Variants in DOCK4 observed in about 807,000 individuals in gnomAD.
The protein encoded by DOCK4 is dedicator of cytokinesis protein 4.
DOCK4 carries 97 observed loss-of-function variants against 268.1 expected under a neutral mutation model. That is an observed-to-expected ratio of 0.36 (90% CI 0.31 to 0.43). The LOEUF (loss-of-function observed/expected upper bound fraction) is 0.43. Ranked by LOEUF, DOCK4 falls within the 20% of genes least tolerant of loss-of-function variation. The pLI is 1.00. For synonymous variants in DOCK4, 954 were observed against 887.2 expected (o/e 1.08, Z -1.34); for missense variants, 2,145 against 2,455.7 (o/e 0.87, Z 2.67).
intron 1 of DOCK4, among the ~76,000 whole-genome samples, chr7:112,007,657 G>A (rs772781386): frequency 7.2e-5 from 11 of 152,114 alleles, no homozygotes; most frequent in South Asian, 6.2e-4. Flanking sequence ...GGTAAAGAGC[G>A]AAGAATTTGA....
chr7:111,791,093 TATATATAA>T (rs926180692), intron 30 of DOCK4, among the ~76,000 whole-genome samples: 3 of 140,390 alleles, frequency 2.1e-5, no homozygotes, highest in African/African-American at 8.1e-5. Flanking sequence ...TATATATATA[TATATATAA>T]AATAAATCAT....
At chr7:111,947,528 G>T (rs1328007705) in intron 8 of DOCK4, among the ~76,000 whole-genome samples, 1 of 152,074 alleles carries the variant, frequency 6.6e-6, no homozygotes, top group Non-Finnish European at 1.5e-5. Context: ...AAAAATTGCT[G>T]TAAGTATCCT....
rs143152855 is a variant in DOCK4, at chr7:111,867,485, G to C, written c.2280+499C>G. Among the ~76,000 whole-genome samples the C allele has an allele frequency of 2.6e-5, 4 of 152,284 alleles. No homozygotes were observed. The East Asian group carries it at 7.7e-4, about 29-fold the overall frequency. ...ACATGTGGGGCTACTTCCGGTAATG[G>C]AGTTTGGCGGCAGCAGCAGCTCTGC... On this transcript the variant is annotated intron_variant, in intron 22 of 52. Coordinates refer to ENST00000428084, the MANE Select transcript of DOCK4 (RefSeq NM_001363540.2).
intron 16 of DOCK4, among the ~76,000 whole-genome samples, 155 bp downstream of exon 16, chr7:111,895,457 A>G (rs1808665030): frequency 6.6e-6 from 1 of 152,238 alleles, no homozygotes; most frequent in Non-Finnish European, 1.5e-5. Flanking sequence ...AACCCAATAT[A>G]GAAACAATAC....
chr7:111,788,021 A>T (rs1186543423), intron 32 of DOCK4, among the ~76,000 whole-genome samples: 6 of 152,204 alleles, frequency 3.9e-5, no homozygotes, highest in Non-Finnish European at 8.8e-5. Flanking sequence ...TGGTACAAGC[A>T]ATTCATCCTG....
intron 25 of DOCK4, among the ~76,000 whole-genome samples, chr7:111,838,390 C>T (rs1006185702): frequency 2.6e-5 from 4 of 151,940 alleles, no homozygotes; most frequent in South Asian, 2.1e-4. Context: ...AATAGCCAAA[C>T]CCAGGAACAA....
intron 30 of DOCK4, among the ~76,000 whole-genome samples, chr7:111,797,939 A>T (rs975552799): frequency 1.3e-5 from 2 of 152,182 alleles, no homozygotes; most frequent in Non-Finnish European, 2.9e-5. Context: ...ATAGGACCAA[A>T]TAGCACCTTA....
At chr7:112,008,058 T>TTTTCTTATAAATTGAACAG (rs1235324769) in intron 1 of DOCK4, among the ~76,000 whole-genome samples, 4 of 152,202 alleles carry the variant, frequency 2.6e-5, no homozygotes, top group Admixed American at 6.5e-5. Context: ...CTTTTCTTGT[T>TTTTCTTATAAATTGAACAG]TTTCTTATAA....
chr7:111,869,455 A>G, intron 21 of DOCK4, 119 bp downstream of exon 21: 1 of 878,372 alleles, frequency 1.1e-6, no homozygotes, highest in Non-Finnish European at 1.8e-6. Flanking sequence ...AGATCCTTGA[A>G]TTGGAATGTC....
intron 19 of DOCK4, 87 bp from the exon 20 acceptor site, chr7:111,872,177 C>A: frequency 7.4e-7 from 1 of 1,349,202 alleles, no homozygotes; most frequent in South Asian, 1.4e-5. Flanking sequence ...TGAACTCTTA[C>A]ATTATTAAGC....
At chr7:112,170,678 T>C (rs1246223473) in intron 1 of DOCK4, among the ~76,000 whole-genome samples, 2 of 152,156 alleles carry the variant, frequency 1.3e-5, no homozygotes, top group Admixed American at 6.6e-5. Context: ...TCTTTAAAAA[T>C]ATTCTTAATT....
intron 1 of DOCK4, among the ~76,000 whole-genome samples, chr7:112,119,211 C>G (rs1277734502): frequency 1.3e-5 from 2 of 152,142 alleles, no homozygotes; most frequent in Non-Finnish European, 2.9e-5. Context: ...CAGAGGAAGA[C>G]AGAGAACTGA....
At chr7:111,960,193 G>A (rs1393777766) in intron 8 of DOCK4, among the ~76,000 whole-genome samples, 2 of 151,486 alleles carry the variant, frequency 1.3e-5, no homozygotes, top group South Asian at 2.1e-4. Context: ...GTGAAACCCC[G>A]TCTCTACTAA....
chr7:112,003,887 C>G (rs1285203198), intron 2 of DOCK4, among the ~76,000 whole-genome samples, 161 bp downstream of exon 2: 3 of 152,164 alleles, frequency 2.0e-5, no homozygotes, highest in Admixed American at 2.0e-4. Flanking sequence ...GGAAATGATG[C>G]CTTTCCATTA....
chr7:112,059,913 A>G (rs1806242747), intron 1 of DOCK4, among the ~76,000 whole-genome samples: 1 of 152,230 alleles, frequency 6.6e-6, no homozygotes, highest in South Asian at 2.1e-4. Flanking sequence ...AAGATGATAC[A>G]TTTAAGAGCC....
At chr7:111,876,952 G>T in intron 17 of DOCK4, 78 bp downstream of exon 17, 1 of 1,208,062 alleles carries the variant, frequency 8.3e-7, no homozygotes, top group Non-Finnish European at 1.1e-6. Flanking sequence ...CTATCACTTT[G>T]GTGTTTACTG....
chr7:112,127,206 T>G (rs1362755332), intron 1 of DOCK4, among the ~76,000 whole-genome samples: 2 of 151,804 alleles, frequency 1.3e-5, no homozygotes, highest in Non-Finnish European at 2.9e-5. Context: ...GTGGCACATA[T>G]ACACCATGGA....
rs1256276390 is a variant in DOCK4 at position 111,945,686 on chromosome 7, C to T, written c.783+31G>A. On this transcript the variant is annotated intron_variant, in intron 9 of 52. Transcript: ENST00000428084. ...TAGTATGAATCATAACTGGATGAAT[C>T]TGCCTTATGAATGAAACAAGATCCA... 19 of 1,525,224 alleles carry T rather than the reference C, an allele frequency of 1.2e-5. No homozygotes were observed. The Admixed American group carries it at 3.6e-4, about 29-fold the overall frequency. 94.5% of individuals were successfully genotyped at this position (1,525,224 alleles called of 1,614,324 possible).
At chr7:111,977,416 T>C in intron 7 of DOCK4, 133 bp from the exon 8 acceptor site, 2 of 950,968 alleles carry the variant, frequency 2.1e-6, no homozygotes, top group African/African-American at 1.6e-5. Context: ...GGATTTGGTA[T>C]CTAAATCCAC....
Sources: gnomAD v4.1 joint callset for allele counts (sites outside exome capture counted in the v4.1 genomes callset) on GRCh38, gnomAD v4.1.1 for gene constraint, MANE v1.5 for transcripts, NCBI Gene and HGNC (gene_info 2026-07-23, HGNC 2026-07-21) for gene names.